Variants in FSTL5 observed in about 807,000 individuals in gnomAD.
FSTL5 encodes the protein follistatin-related protein 5.
FSTL5 carries 62 observed loss-of-function variants against 89.1 expected under a neutral mutation model. That is an observed-to-expected ratio of 0.70 (90% CI 0.57 to 0.86). FSTL5 has a LOEUF of 0.86. Ranked by LOEUF, FSTL5 falls within the 40% of genes least tolerant of loss-of-function variation. FSTL5 has a pLI of 0.00. For synonymous variants in FSTL5, 383 were observed against 346.2 expected (o/e 1.11, Z -1.18); for missense variants, 1,057 against 1,001.6 (o/e 1.06, Z -0.75).
At chr4:161,493,406 G>C (rs560091908) in intron 12 of FSTL5, among the ~76,000 whole-genome samples, 38 of 151,512 alleles carry the variant, frequency 2.5e-4, no homozygotes, top group Non-Finnish European at 4.3e-4. Flanking sequence ...CTAGACATAG[G>C]GGGACATGAA....
In FSTL5 at chr4:161,386,221, A is replaced by G. The variant is rs745913442; in HGVS notation, c.2070T>C (p.Asn690=). 28 of 1,613,922 alleles carry G rather than the reference A, an allele frequency of 1.7e-5. 1 individual carries two copies. The South Asian group carries it at 3.0e-4, about 17-fold the overall frequency. ...DGVTDSVIGF[N]SDVTGTPYVS... is the part of the protein sequence containing the mutation. ...CATATGGAGTGCCCGTCACATCACTATTGAACCCAATGACTGAGTCAGTTA... is the reference window on the plus strand; with the variant it reads ...CATATGGAGTGCCCGTCACATCACTGTTGAACCCAATGACTGAGTCAGTTA... The change falls in exon 16 of 16, where the codon AAT becomes AAC. Residue 690 remains asparagine (N), a synonymous_variant. Coordinates refer to ENST00000306100, the MANE Select transcript of FSTL5 (RefSeq NM_020116.5).
intron 5 of FSTL5, among the ~76,000 whole-genome samples, chr4:161,765,908 C>T (rs1046465258): frequency 6.6e-6 from 1 of 151,822 alleles, no homozygotes; most frequent in South Asian, 2.1e-4. Flanking sequence ...GATTCTCCTG[C>T]CTCAGCCTCC....
At chr4:161,840,152 C>T (rs1220497363) in intron 4 of FSTL5, among the ~76,000 whole-genome samples, 2 of 152,038 alleles carry the variant, frequency 1.3e-5, no homozygotes, top group Admixed American at 6.6e-5. Flanking sequence ...TGAAGAGCGT[C>T]ACCGTGTTTG....
chr4:161,992,651 T>C (rs1215469804), intron 3 of FSTL5, among the ~76,000 whole-genome samples: 1 of 151,350 alleles, frequency 6.6e-6, no homozygotes, highest in African/African-American at 2.4e-5. Context: ...GAGACCAGCC[T>C]AATCAACATG....
intron 7 of FSTL5, among the ~76,000 whole-genome samples, chr4:161,600,933 A>C (rs757565687): frequency 1.3e-4 from 20 of 152,174 alleles, no homozygotes; most frequent in African/African-American, 4.8e-4. Flanking sequence ...GACTATCCTC[A>C]AATCCCAGGA....
At chr4:161,434,923 C>T (rs1286010068) in intron 15 of FSTL5, among the ~76,000 whole-genome samples, 1 of 151,994 alleles carries the variant, frequency 6.6e-6, no homozygotes, top group Admixed American at 6.6e-5. Context: ...CAGGCAATAA[C>T]TAATGCTGAT....
At chr4:161,610,492 C>T (rs531799244) in intron 7 of FSTL5, among the ~76,000 whole-genome samples, 64 of 152,232 alleles carry the variant, frequency 4.2e-4, no homozygotes, top group African/African-American at 1.5e-3. Context: ...AGCTTAACTT[C>T]GCTTTAAATT....
intron 15 of FSTL5, among the ~76,000 whole-genome samples, chr4:161,392,878 G>T (rs978836494): frequency 6.6e-6 from 1 of 151,904 alleles, no homozygotes; most frequent in Non-Finnish European, 1.5e-5. Context: ...AAAGGCAAAC[G>T]CAAGGCCGGG....
At position 161,528,262 on chromosome 4, in the gene FSTL5, T is replaced by A. The variant is rs1005974565; in HGVS notation, c.1312+9904A>T. ...TATACATATGTAACTAACCTGCACA[T>A]TGTGCACATGTACCCTAAAACTTAA... On this transcript the variant is annotated intron_variant, in intron 10 of 15. Coordinates refer to ENST00000306100, the MANE Select transcript of FSTL5 (RefSeq NM_020116.5). Among the ~76,000 whole-genome samples the A allele has an allele frequency of 6.4e-5, 9 of 141,536 alleles. 1 individual carries two copies. The highest frequency in any genetic ancestry group is 1.4e-4 in the Non-Finnish European group (9 of 64,934). 92.9% of individuals were successfully genotyped at this position (141,536 alleles called of 152,430 possible). A position where few individuals can be genotyped will look rare whatever the true frequency, so the allele number is the denominator to read the frequency against.
At chr4:161,865,713 C>G (rs1267575964) in intron 4 of FSTL5, among the ~76,000 whole-genome samples, 1 of 152,050 alleles carries the variant, frequency 6.6e-6, no homozygotes, top group Non-Finnish European at 1.5e-5. Context: ...AAAAAATAGG[C>G]TGGTTTGACC....
intron 8 of FSTL5, among the ~76,000 whole-genome samples, chr4:161,567,609 A>T (rs765218668): frequency 1.3e-5 from 2 of 152,196 alleles, no homozygotes; most frequent in African/African-American, 4.8e-5. Context: ...CTATGTGTAG[A>T]TATAACCAGA....
chr4:161,506,763 T>A (rs930496315), intron 11 of FSTL5, among the ~76,000 whole-genome samples: 1 of 152,194 alleles, frequency 6.6e-6, no homozygotes, highest in African/African-American at 2.4e-5. Flanking sequence ...TTGGAAACCT[T>A]GTATTACAGA....
At chr4:161,846,037 A>G (rs1731357056) in intron 4 of FSTL5, among the ~76,000 whole-genome samples, 1 of 125,042 alleles carries the variant, frequency 8.0e-6, no homozygotes, top group Non-Finnish European at 1.7e-5. Context: ...CAACAGAACA[A>G]GACTCCGTCT....
At chr4:161,903,281 T>C (rs1328025565) in intron 4 of FSTL5, among the ~76,000 whole-genome samples, 1 of 152,174 alleles carries the variant, frequency 6.6e-6, no homozygotes, top group East Asian at 1.9e-4. Context: ...GAGTGTTCTA[T>C]TCAAATATAA....
intron 6 of FSTL5, among the ~76,000 whole-genome samples, chr4:161,752,385 T>G (rs1740427752): frequency 6.6e-6 from 1 of 152,188 alleles, no homozygotes; most frequent in Non-Finnish European, 1.5e-5. Context: ...TTTTAGCTGT[T>G]TTGTATTTTA....
intron 4 of FSTL5, among the ~76,000 whole-genome samples, chr4:161,855,947 A>T (rs1731707772): frequency 6.6e-6 from 1 of 152,108 alleles, no homozygotes; most frequent in African/African-American, 2.4e-5. Flanking sequence ...AGCAATAAGG[A>T]AAAGGAATAA....
chr4:161,768,804 A>G (rs1034527084), intron 5 of FSTL5, among the ~76,000 whole-genome samples: 6 of 151,868 alleles, frequency 4.0e-5, no homozygotes, highest in African/African-American at 1.4e-4. Context: ...AGTAAAAGCC[A>G]ACCAAACCCA....
At chr4:161,590,405 G>A (rs1344637057) in intron 7 of FSTL5, among the ~76,000 whole-genome samples, 1 of 152,040 alleles carries the variant, frequency 6.6e-6, no homozygotes, top group Non-Finnish European at 1.5e-5. Flanking sequence ...TGGGCATGGT[G>A]GCACATGCCT....
At chr4:162,008,777 A>G (rs575284729) in intron 3 of FSTL5, among the ~76,000 whole-genome samples, 18 of 152,032 alleles carry the variant, frequency 1.2e-4, no homozygotes, top group African/African-American at 4.1e-4. Context: ...AATATTTACT[A>G]TGAAGGATGA....
Sources: gnomAD v4.1 joint callset for allele counts (sites outside exome capture counted in the v4.1 genomes callset) on GRCh38, gnomAD v4.1.1 for gene constraint, MANE v1.5 for transcripts, NCBI Gene and HGNC (gene_info 2026-07-23, HGNC 2026-07-21) for gene names.